The following FRMD5 variants were observed in gnomAD, a reference collection of about 807,000 sequenced individuals.
The protein encoded by FRMD5 is FERM domain-containing protein 5.
Under a neutral mutation model 69.0 loss-of-function variants are expected in FRMD5, and 20 were observed. The observed-to-expected ratio is 0.29, with a 90% CI of 0.20 to 0.42. FRMD5 has a LOEUF of 0.42. FRMD5 is among the 10% of genes least tolerant of loss of function. The pLI, the probability that FRMD5 is intolerant of heterozygous loss-of-function variation, is 1.00. For synonymous variants in FRMD5, 271 were observed against 260.1 expected (o/e 1.04, Z -0.40); for missense variants, 595 against 708.6 (o/e 0.84, Z 1.82).
At chr15:44,120,828 G>A (rs1310451793) in intron 1 of FRMD5, among the ~76,000 whole-genome samples, 4 of 151,888 alleles carry the variant, frequency 2.6e-5, no homozygotes, top group Admixed American at 2.0e-4. Flanking sequence ...GTGCCCAGCC[G>A]GGAAGAGTGG....
intron 1 of FRMD5, among the ~76,000 whole-genome samples, chr15:43,996,892 A>C (rs1275023042): frequency 6.6e-6 from 1 of 152,044 alleles, no homozygotes; most frequent in Non-Finnish European, 1.5e-5. Context: ...TTAAAGTTTG[A>C]TAAACACTGC....
intron 1 of FRMD5, among the ~76,000 whole-genome samples, chr15:43,948,107 G>A (rs1422543401): frequency 6.6e-6 from 1 of 152,200 alleles, no homozygotes; most frequent in Non-Finnish European, 1.5e-5. Flanking sequence ...TTAAAAAAGG[G>A]AAAATCAAAG....
chr15:44,056,903 G>T (rs906443453), intron 1 of FRMD5, among the ~76,000 whole-genome samples: 1 of 152,076 alleles, frequency 6.6e-6, no homozygotes, highest in African/African-American at 2.4e-5. Context: ...CTTCCCTGTT[G>T]ACTACAAATT....
chr15:44,114,027 C>T (rs367580623), intron 1 of FRMD5, among the ~76,000 whole-genome samples: 2 of 151,932 alleles, frequency 1.3e-5, no homozygotes, highest in South Asian at 2.1e-4. Flanking sequence ...CTATAACAGT[C>T]GTCCACCATA....
At chr15:44,093,537 A>G (rs1389738005) in intron 1 of FRMD5, among the ~76,000 whole-genome samples, 1 of 152,090 alleles carries the variant, frequency 6.6e-6, no homozygotes, top group African/African-American at 2.4e-5. Flanking sequence ...TGGATGAGAG[A>G]CAATACTTGG....
intron 4 of FRMD5, among the ~76,000 whole-genome samples, chr15:43,910,803 T>C (rs377499238): frequency 1.2e-4 from 19 of 152,218 alleles, no homozygotes; most frequent in African/African-American, 4.3e-4. Flanking sequence ...TATTTAATTC[T>C]CACATGACAC....
At chr15:43,952,690 C>T (rs563974758) in intron 1 of FRMD5, among the ~76,000 whole-genome samples, 2 of 152,324 alleles carry the variant, frequency 1.3e-5, no homozygotes, top group Non-Finnish European at 2.9e-5. Context: ...GTGTCCTCTT[C>T]AATTGGGATG....
intron 4 of FRMD5, among the ~76,000 whole-genome samples, chr15:43,917,060 G>A (rs781151843): frequency 1.3e-4 from 20 of 152,082 alleles, no homozygotes; most frequent in Admixed American, 3.9e-4. Context: ...GATGACAGGC[G>A]TGAGCCACCA....
At chr15:44,175,999 T>C (rs1344859153) in intron 1 of FRMD5, among the ~76,000 whole-genome samples, 1 of 152,188 alleles carries the variant, frequency 6.6e-6, no homozygotes, top group East Asian at 1.9e-4. Context: ...CGTATCAAAA[T>C]TCCACCTGGA....
intron 5 of FRMD5, among the ~76,000 whole-genome samples, chr15:43,907,515 C>T (rs1439967043): frequency 6.6e-6 from 1 of 151,336 alleles, no homozygotes; most frequent in South Asian, 2.1e-4. Context: ...CAGGTGCACA[C>T]CCCAGGCCTA....
chr15:43,909,605 C>T (rs980591724), intron 5 of FRMD5, among the ~76,000 whole-genome samples: 4 of 151,912 alleles, frequency 2.6e-5, no homozygotes, highest in African/African-American at 7.3e-5. Flanking sequence ...CTTGGCCTCC[C>T]GAGTAGCTGG....
At chr15:43,948,303 G>A (rs1595548899) in intron 1 of FRMD5, among the ~76,000 whole-genome samples, 1 of 152,152 alleles carries the variant, frequency 6.6e-6, no homozygotes, top group Admixed American at 6.6e-5. Flanking sequence ...TATGGCTGCT[G>A]CCTGGGAAAC....
chr15:44,036,392 T>C (rs2140300323), intron 1 of FRMD5, among the ~76,000 whole-genome samples: 1 of 152,230 alleles, frequency 6.6e-6, no homozygotes, highest in East Asian at 1.9e-4. Context: ...TTCTAATTAC[T>C]ATTTCTGACT....
intron 1 of FRMD5, among the ~76,000 whole-genome samples, chr15:44,189,194 T>C (rs1290364191): frequency 1.3e-5 from 2 of 152,184 alleles, no homozygotes; most frequent in Non-Finnish European, 1.5e-5. Context: ...AAATCTAGGA[T>C]ATGATACTAG....
At chr15:43,936,236 AG>A (rs2089758567) in intron 1 of FRMD5, among the ~76,000 whole-genome samples, 1 of 152,202 alleles carries the variant, frequency 6.6e-6, no homozygotes, top group Non-Finnish European at 1.5e-5. Flanking sequence ...GCTGAGGCTC[AG>A]GCTGGAGTAC....
At chr15:43,926,186 C>G (rs986495464) in intron 1 of FRMD5, among the ~76,000 whole-genome samples, 1 of 152,194 alleles carries the variant, frequency 6.6e-6, no homozygotes, top group Non-Finnish European at 1.5e-5. Flanking sequence ...CCTTCTACTT[C>G]AGAGACCTGC....
In FRMD5 at chr15:44,109,015, T is replaced by TAAAATAAAATA. The variant is rs1555404818; in HGVS notation, c.102+85937_102+85938insTATTTTATTTT. Among the ~76,000 whole-genome samples the TAAAATAAAATA allele has an allele frequency of 1.2e-3, 180 of 149,774 alleles. No individual in the cohort carries two copies. In the East Asian group the frequency reaches 0.015, roughly 12 times the overall value. ...TAAAATAAAATAAAATAAAATAAAA[T>TAAAATAAAATA]AAAATGTTTGCCAATGCCATTGCCA... On this transcript the variant is annotated intron_variant, in intron 1 of 13. Coordinates refer to ENST00000417257, the MANE Select transcript of FRMD5 (RefSeq NM_032892.5).
chr15:44,051,530 G>A, intron 1 of FRMD5, among the ~76,000 whole-genome samples: 1 of 151,718 alleles, frequency 6.6e-6, no homozygotes. Flanking sequence ...CATTAGTACA[G>A]CACATTTGTC....
At chr15:44,116,445 C>A (rs548907068) in intron 1 of FRMD5, among the ~76,000 whole-genome samples, 7 of 152,236 alleles carry the variant, frequency 4.6e-5, no homozygotes, top group Admixed American at 3.3e-4. Context: ...TTGGCTTTAA[C>A]AACTGGCAGA....
Sources: gnomAD v4.1 joint callset for allele counts (sites outside exome capture counted in the v4.1 genomes callset) on GRCh38, gnomAD v4.1.1 for gene constraint, MANE v1.5 for transcripts, NCBI Gene and HGNC (gene_info 2026-07-23, HGNC 2026-07-21) for gene names.